The following LRRFIP1 variants were observed in gnomAD, a reference collection of about 807,000 sequenced individuals.
LRRFIP1 encodes the protein LRR binding FLII interacting protein 1, also known as leucine-rich repeat flightless-interacting protein 1.
LRRFIP1 carries 62 observed loss-of-function variants against 104.4 expected under a neutral mutation model. The observed-to-expected ratio is 0.59, with a 90% CI of 0.48 to 0.73. The LOEUF (loss-of-function observed/expected upper bound fraction) is 0.73. Ranked by LOEUF, LRRFIP1 falls within the 30% of genes least tolerant of loss-of-function variation. LRRFIP1 has a pLI of 0.00. For missense variants in LRRFIP1, 796 were observed against 824.5 expected (o/e 0.97, Z 0.42); for synonymous variants, 300 against 299.0 (o/e 1.00, Z -0.03).
chr2:237,662,953 C>G (rs1385560167), intron 1 of LRRFIP1, among the ~76,000 whole-genome samples: 1 of 152,182 alleles, frequency 6.6e-6, no homozygotes, highest in African/African-American at 2.4e-5. Flanking sequence ...ATAAACCGCT[C>G]CTTAATCTGC....
chr2:237,649,436 C>T lies in LRRFIP1; in HGVS notation c.96+21696C>T, dbSNP rs181589629. Among the ~76,000 whole-genome samples, 330 of 151,932 alleles carry T rather than the reference C, an allele frequency of 2.2e-3. 4 individuals are homozygous for T. Among genetic ancestry groups the T allele is most frequent in the African/African-American group, 7.1e-3 (294 of 41,492 alleles). Reference sequence around the variant, plus strand: ...ATCCCAGCTACTGGGGAGGCTGAGGCGGGAGAATTGCTTGAGCCCAGGACG... The same window carrying T: ...ATCCCAGCTACTGGGGAGGCTGAGGTGGGAGAATTGCTTGAGCCCAGGACG... On this transcript the variant is annotated intron_variant, in intron 1 of 23. Transcript: ENST00000308482. The surrounding 1 kb of genome is among the most constrained non-coding windows in gnomAD (Gnocchi z 4.1).
chr2:237,744,463 T>G (rs2057536791), intron 11 of LRRFIP1, among the ~76,000 whole-genome samples: 1 of 152,208 alleles, frequency 6.6e-6, no homozygotes, highest in Admixed American at 6.5e-5. Flanking sequence ...AGCTGGAACA[T>G]GGAAAACTTA....
intron 1 of LRRFIP1, among the ~76,000 whole-genome samples, chr2:237,699,726 G>A (rs2093406183): frequency 6.6e-6 from 1 of 152,248 alleles, no homozygotes; most frequent in Non-Finnish European, 1.5e-5. Context: ...CTGAATGCGG[G>A]ATGGTTGGCC....
At chr2:237,668,578 C>T (rs1019871904) in intron 1 of LRRFIP1, among the ~76,000 whole-genome samples, 5 of 152,122 alleles carry the variant, frequency 3.3e-5, no homozygotes, top group African/African-American at 4.8e-5. Flanking sequence ...CCAGTTGTAC[C>T]GAGCTACTGA....
intron 1 of LRRFIP1, among the ~76,000 whole-genome samples, chr2:237,653,502 A>G (rs1216635348): frequency 6.6e-6 from 1 of 152,220 alleles, no homozygotes; most frequent in African/African-American, 2.4e-5. Flanking sequence ...AAAAATAGAA[A>G]AAATAAAATA....
Position 237,727,866 on chromosome 2 carries a change from A to G in LRRFIP1, c.385-10A>G. ...TGATGTCAGTTTTTCTCTTTTCTTC[A>G]TTGAAACAGACAAATGGTTATGATG... is the stretch of plus-strand genomic sequence containing the variant. On this transcript the variant is annotated splice_polypyrimidine_tract_variant and intron_variant, in intron 7 of 23. Coordinates refer to ENST00000308482, the MANE Select transcript of LRRFIP1 (RefSeq NM_001137550.2). The G allele has an allele frequency of 6.2e-7, 1 of 1,602,618 alleles. No individual in the cohort carries two copies.
At position 237,715,662 on chromosome 2, in the gene LRRFIP1, G is replaced by GA. The variant is rs561914459; in HGVS notation, c.201+1387dup. On this transcript the variant is annotated intron_variant, in intron 3 of 23. Coordinates refer to ENST00000308482, the MANE Select transcript of LRRFIP1 (RefSeq NM_001137550.2). Reference sequence around the variant, plus strand: ...TTTCCTCATTGCTGAGATGTCTGGGGAGGAGAGGAGGCGGCGATTGCGCCT... The same window carrying GA: ...TTTCCTCATTGCTGAGATGTCTGGGGAAGGAGAGGAGGCGGCGATTGCGCCT... Among the ~76,000 whole-genome samples, 208 of 152,380 alleles carry GA rather than the reference G, an allele frequency of 1.4e-3. 1 individual carries two copies. Among genetic ancestry groups the GA allele is most frequent in the Admixed American group, 2.5e-3 (39 of 15,306 alleles).
intron 1 of LRRFIP1, among the ~76,000 whole-genome samples, chr2:237,706,753 A>T (rs959136961): frequency 6.6e-6 from 1 of 152,020 alleles, no homozygotes; most frequent in Admixed American, 6.5e-5. Flanking sequence ...TCAGCCTCCC[A>T]AGTAGCTGGG....
intron 1 of LRRFIP1, chr2:237,692,399 C>T: frequency 7.0e-7 from 1 of 1,427,502 alleles, no homozygotes; most frequent in Non-Finnish European, 9.2e-7. Context: ...CCGCGAGGGG[C>T]TCCCGGCGCG....
At chr2:237,671,599 A>G (rs1390677646) in intron 1 of LRRFIP1, among the ~76,000 whole-genome samples, 1 of 152,056 alleles carries the variant, frequency 6.6e-6, no homozygotes, top group Non-Finnish European at 1.5e-5. Context: ...AAGGGGACGG[A>G]AGCCGGGGCA....
chr2:237,760,264 C>T (rs2059719736), intron 19 of LRRFIP1, 59 bp downstream of exon 19: 6 of 1,582,002 alleles, frequency 3.8e-6, no homozygotes, highest in African/African-American at 1.4e-5. Context: ...GGTTCACCCT[C>T]CATGCACTGC....
Position 237,663,963 on chromosome 2 carries a change from C to A in LRRFIP1, c.96+36223C>A, listed in dbSNP as rs75458652. On this transcript the variant is annotated intron_variant, in intron 1 of 23. Transcript: ENST00000308482. The stretch of plus-strand genomic sequence containing the variant: ...TGGAGCAGAGTACCCAGGGTGGAGC[C>A]CCGGGAACCTCAGAAACAAGGAAGG... Among the ~76,000 whole-genome samples, 2,100 of 152,242 alleles carry A rather than the reference C, an allele frequency of 0.014. 117 individuals carry two copies. In the East Asian group the frequency reaches 0.16, roughly 12 times the overall value.
Position 237,661,519 on chromosome 2 carries a change from T to C in LRRFIP1, c.96+33779T>C, listed in dbSNP as rs2087945921. 6.6e-6 allele frequency among the ~76,000 whole-genome samples: 1 copy of C among 152,218 alleles called. No individual in the cohort carries two copies. ...GCAAATCCCTTTCCTTCCACCTCGCTCTCGGCCCCTGGTTCACCTTCTGTT... is the reference window on the plus strand; with the variant it reads ...GCAAATCCCTTTCCTTCCACCTCGCCCTCGGCCCCTGGTTCACCTTCTGTT... On this transcript the variant is annotated intron_variant, in intron 1 of 23. Coordinates refer to ENST00000308482, the MANE Select transcript of LRRFIP1 (RefSeq NM_001137550.2). This position sits in a 1 kb window ranked among gnomAD's most constrained non-coding sequence, Gnocchi z 4.4.
chr2:237,716,623 G>A (rs768974135), intron 3 of LRRFIP1, among the ~76,000 whole-genome samples: 3 of 152,202 alleles, frequency 2.0e-5, no homozygotes, highest in Non-Finnish European at 2.9e-5. Flanking sequence ...AAATGGTCTT[G>A]TATTTCTAGC....
intron 20 of LRRFIP1, among the ~76,000 whole-genome samples, chr2:237,771,087 G>A (rs760335446): frequency 6.6e-6 from 1 of 152,116 alleles, no homozygotes; most frequent in Non-Finnish European, 1.5e-5. Flanking sequence ...GGGGTCTCCT[G>A]TGCTTGGTGT....
intron 19 of LRRFIP1, chr2:237,763,010 G>A: frequency 6.2e-7 from 1 of 1,614,252 alleles, no homozygotes; most frequent in Non-Finnish European, 8.5e-7. Flanking sequence ...TCAGGTTGAA[G>A]AGCAGGCAGG....
chr2:237,721,664 C>T (rs1250814257), intron 6 of LRRFIP1: 2 of 152,172 alleles, frequency 1.3e-5, no homozygotes, highest in South Asian at 2.1e-4. Context: ...GCAATTAAAT[C>T]CTATTACTCC....
chr2:237,646,674 G>A (rs1215523424), intron 1 of LRRFIP1, among the ~76,000 whole-genome samples: 1 of 151,862 alleles, frequency 6.6e-6, no homozygotes, highest in East Asian at 1.9e-4. Context: ...TATTGCCCTT[G>A]TAAGAAGAGA....
At chr2:237,656,325 C>T (rs1278025165) in intron 1 of LRRFIP1, among the ~76,000 whole-genome samples, 6 of 152,166 alleles carry the variant, frequency 3.9e-5, no homozygotes, top group Non-Finnish European at 7.4e-5. Flanking sequence ...AGCTATTATA[C>T]TGGGCAGGGG....
Sources: gnomAD v4.1 joint callset for allele counts (sites outside exome capture counted in the v4.1 genomes callset) on GRCh38, gnomAD v4.1.1 for gene constraint, Gnocchi (gnomAD v3.1) non-coding constraint, MANE v1.5 for transcripts, NCBI Gene and HGNC (gene_info 2026-07-23, HGNC 2026-07-21) for gene names.